The following GPR39 variants were observed in gnomAD, a reference collection of about 807,000 sequenced individuals.
The protein encoded by GPR39 is zinc sensing receptor.
A neutral mutation model predicts 18.4 loss-of-function variants in GPR39; 23 were observed. The ratio of observed to expected loss-of-function variants is 1.25; its 90% CI spans 0.90 to 1.77. The LOEUF (loss-of-function observed/expected upper bound fraction) is 1.77. GPR39 is among the 40% of genes most tolerant of loss of function. The probability of loss-of-function intolerance (pLI) is 0.00; values close to 1 mark genes in which losing one functional copy is unlikely to be tolerated. For synonymous variants in GPR39, 280 were observed against 257.9 expected, an observed-to-expected ratio of 1.09 and a Z score of -0.82; for missense variants, 647 against 602.4, an observed-to-expected ratio of 1.07 and a Z score of -0.78.
chr2:132,602,309 G>T (rs965470679), intron 1 of GPR39, among the ~76,000 whole-genome samples: 2 of 152,084 alleles, frequency 1.3e-5, no homozygotes, highest in African/African-American at 2.4e-5. Context: ...TTCAATAAAT[G>T]GTGCTGGGAA....
intron 1 of GPR39, among the ~76,000 whole-genome samples, chr2:132,546,134 G>A (rs1216644510): frequency 1.3e-5 from 2 of 152,196 alleles, no homozygotes; most frequent in Non-Finnish European, 2.9e-5. Flanking sequence ...TTGGTGAGTG[G>A]AGAAAAATGG....
intron 1 of GPR39, among the ~76,000 whole-genome samples, chr2:132,456,246 C>G (rs1680725909): frequency 6.6e-6 from 1 of 150,598 alleles, no homozygotes; most frequent in African/African-American, 2.4e-5. Flanking sequence ...TTCTTTGTCT[C>G]TTTTGATCTT....
At chr2:132,419,130 G>T (rs750967655) in intron 1 of GPR39, among the ~76,000 whole-genome samples, 12 of 152,222 alleles carry the variant, frequency 7.9e-5, no homozygotes, top group Non-Finnish European at 1.3e-4. Context: ...TTGCCCTAAT[G>T]AATTTCAAAG....
Position 132,417,800 on chromosome 2 carries a change from A to G in GPR39, c.758A>G (p.Gln253Arg), listed in dbSNP as rs1366235253. The G allele has an allele frequency of 6.2e-7, 1 of 1,614,150 alleles. No individual in the cohort carries two copies. The highest frequency in any genetic ancestry group is 8.5e-7 in the Non-Finnish European group (1 of 1,180,034). Residue 253 changes from glutamine (Q) to arginine (R), a missense_variant, in exon 1 of 2, where the codon CAG (glutamine) becomes CGG (arginine). Around this residue, in one of 3 missense-constraint regions of GPR39, gnomAD observed 581 missense variants for 506.8 expected, o/e 1.15. Coordinates refer to ENST00000329321, the MANE Select transcript of GPR39 (RefSeq NM_001508.3). ...ATGATGCAGGTGCTCATGAAAAGCC[A>G]GAAGGGCTCGCTGGCCGGGGGCACG... ...WNMMQVLMKS[Q>R]KGSLAGGTRP...
Position 132,472,243 on chromosome 2 carries a change from T to C in GPR39, c.856+54345T>C, listed in dbSNP as rs139475604. ...CCTGAGAACTTTATCTGGAGTAGAT[T>C]CTCTGCCATGGAAATTCATGTGAGA... On this transcript the variant is annotated intron_variant, in intron 1 of 1. Coordinates refer to ENST00000329321, the MANE Select transcript of GPR39 (RefSeq NM_001508.3). Among the ~76,000 whole-genome samples, 91 of 152,304 alleles carry C rather than the reference T, an allele frequency of 6.0e-4. 1 individual carries two copies. The highest frequency in any genetic ancestry group is 2.1e-3 in the African/African-American group (88 of 41,572).
intron 1 of GPR39, among the ~76,000 whole-genome samples, chr2:132,435,847 C>A (rs1460980696): frequency 6.6e-6 from 1 of 152,190 alleles, no homozygotes; most frequent in African/African-American, 2.4e-5. Context: ...GACTTAAGCA[C>A]TCCAAGGAAT....
At chr2:132,435,255 C>G (rs1262658382) in intron 1 of GPR39, among the ~76,000 whole-genome samples, 3 of 152,292 alleles carry the variant, frequency 2.0e-5, no homozygotes, top group South Asian at 2.1e-4. Context: ...TCCTTCACCC[C>G]TTCTGCCTCT....
At chr2:132,452,870 GT>G (rs75264551) in intron 1 of GPR39, among the ~76,000 whole-genome samples, 120,611 of 152,024 alleles carry the variant, frequency 0.79, 48,686 homozygotes, top group Non-Finnish European at 0.87. Context: ...TCTTAATCCA[GT>G]TCTATTCATT....
chr2:132,546,948 C>T (rs1573659224), intron 1 of GPR39, among the ~76,000 whole-genome samples: 1 of 151,058 alleles, frequency 6.6e-6, no homozygotes, highest in South Asian at 2.1e-4. Context: ...CCTAGATCCT[C>T]TGAGAAGAGA....
chr2:132,481,902 T>C (rs537999693), intron 1 of GPR39, among the ~76,000 whole-genome samples: 2 of 152,318 alleles, frequency 1.3e-5, no homozygotes, highest in Middle Eastern at 6.8e-3. Context: ...CCTTGAAGAT[T>C]AAAGCTATAA....
At chr2:132,526,162 A>G (rs1035731188) in intron 1 of GPR39, among the ~76,000 whole-genome samples, 8 of 152,164 alleles carry the variant, frequency 5.3e-5, no homozygotes, top group African/African-American at 1.9e-4. Flanking sequence ...TTGCTGCAGA[A>G]ATATGTGTGT....
intron 1 of GPR39, among the ~76,000 whole-genome samples, chr2:132,608,912 G>C (rs1284937587): frequency 6.6e-6 from 1 of 152,174 alleles, no homozygotes; most frequent in Non-Finnish European, 1.5e-5. Context: ...TTTCATGATT[G>C]ATCTCTCAGC....
intron 1 of GPR39, among the ~76,000 whole-genome samples, chr2:132,615,316 A>G (rs1425800272): frequency 6.6e-6 from 1 of 152,196 alleles, no homozygotes; most frequent in Non-Finnish European, 1.5e-5. Context: ...TCACTCCAAC[A>G]GGCAATTGCC....
At chr2:132,571,686 A>C (rs1680443084) in intron 1 of GPR39, among the ~76,000 whole-genome samples, 1 of 152,116 alleles carries the variant, frequency 6.6e-6, no homozygotes, top group South Asian at 2.1e-4. Context: ...TACTGGGTGC[A>C]CCATCTGGGG....
intron 1 of GPR39, among the ~76,000 whole-genome samples, chr2:132,640,144 G>T (rs1681834313): frequency 6.6e-6 from 1 of 152,146 alleles, no homozygotes; most frequent in African/African-American, 2.4e-5. Context: ...CACACTAGTA[G>T]TTACTTTGAC....
intron 1 of GPR39, among the ~76,000 whole-genome samples, chr2:132,466,834 C>A (rs1456746427): frequency 6.6e-6 from 1 of 152,140 alleles, no homozygotes; most frequent in Non-Finnish European, 1.5e-5. Flanking sequence ...AGCACTTGGC[C>A]TCTCAACAAC....
At chr2:132,552,120 G>GA (rs1371027504) in intron 1 of GPR39, among the ~76,000 whole-genome samples, 1 of 152,058 alleles carries the variant, frequency 6.6e-6, no homozygotes, top group African/African-American at 2.4e-5. Flanking sequence ...GACTTTTCTG[G>GA]CTATTATTCC....
At chr2:132,583,700 A>G (rs2104825276) in intron 1 of GPR39, among the ~76,000 whole-genome samples, 1 of 151,756 alleles carries the variant, frequency 6.6e-6, no homozygotes, top group South Asian at 2.1e-4. Context: ...GTGACGTCTG[A>G]GGCCTCAGGA....
rs1357373131 is a variant in GPR39 at position 132,418,043 on chromosome 2, T to C, written c.856+145T>C. 1.1e-5 allele frequency: 11 copies of C among 971,462 alleles called. No homozygotes were observed. The African/African-American group carries it at 1.8e-4, about 16-fold the overall frequency. 60.2% of individuals were successfully genotyped at this position (971,462 alleles called of 1,614,324 possible). On this transcript the variant is annotated intron_variant, in intron 1 of 1. Transcript: ENST00000329321. ...CTAAGGTGGAAGAGTCTTGTAGCAG[T>C]ATGAGGGCATTGCTCTGGGTCTCTG...
Sources: allele counts gnomAD v4.1 joint callset (sites outside exome capture counted in the v4.1 genomes callset), GRCh38; gene constraint gnomAD v4.1.1; regional missense constraint gnomAD v4.1.1; transcripts MANE v1.5; gene names NCBI Gene and HGNC (gene_info 2026-07-23, HGNC 2026-07-21).